Variants in EPB41L4A observed in about 807,000 individuals in gnomAD.
EPB41L4A encodes the protein erythrocyte membrane protein band 4.1 like 4A.
In EPB41L4A, 100 loss-of-function variants were observed where a neutral mutation model predicts 108.6. The ratio of observed to expected loss-of-function variants is 0.92; its 90% CI spans 0.78 to 1.09. EPB41L4A has a LOEUF of 1.09. EPB41L4A is among the 50% of genes least tolerant of loss of function. The pLI, the probability that EPB41L4A is intolerant of heterozygous loss-of-function variation, is 0.00. For synonymous variants in EPB41L4A, 319 were observed against 289.0 expected, an observed-to-expected ratio of 1.10 and a Z score of -1.05; for missense variants, 1,030 against 842.7, an observed-to-expected ratio of 1.22 and a Z score of -2.75.
At chr5:112,358,148 A>G (rs377277280) in intron 1 of EPB41L4A, among the ~76,000 whole-genome samples, 5 of 152,378 alleles carry the variant, frequency 3.3e-5, no homozygotes, top group African/African-American at 1.2e-4. Flanking sequence ...TTCCCCTGGA[A>G]GATCAGACAG....
chr5:112,210,036 A>G, intron 12 of EPB41L4A, 54 bp from the exon 13 acceptor site: 1 of 1,100,576 alleles, frequency 9.1e-7, no homozygotes, highest in Non-Finnish European at 1.3e-6. Context: ...TGATAAGGAA[A>G]TGAAAGAAAC....
intron 1 of EPB41L4A, among the ~76,000 whole-genome samples, chr5:112,373,464 G>A (rs560695912): frequency 1.7e-4 from 26 of 152,240 alleles, no homozygotes; most frequent in African/African-American, 6.3e-4. Context: ...AAATGACAAA[G>A]GTACAGAAAC....
intron 9 of EPB41L4A, among the ~76,000 whole-genome samples, chr5:112,252,024 T>C (rs963816913): frequency 1.3e-5 from 2 of 151,308 alleles, no homozygotes; most frequent in Non-Finnish European, 2.9e-5. Flanking sequence ...CTATGTGATA[T>C]GTGTTACAGA....
chr5:112,212,724 G>C (rs539274330), intron 12 of EPB41L4A, among the ~76,000 whole-genome samples: 16 of 152,264 alleles, frequency 1.1e-4, no homozygotes, highest in Non-Finnish European at 2.1e-4. Context: ...TTCCTAGGCT[G>C]GGAGAGGGGG....
chr5:112,150,379 G>A (rs1473968288), intron 12 of EPB41L4A, among the ~76,000 whole-genome samples: 1 of 151,926 alleles, frequency 6.6e-6, no homozygotes, highest in Non-Finnish European at 1.5e-5. Context: ...TGAATAGTGT[G>A]TTTCATCTAT....
chr5:112,400,251 T>A (rs947335305), intron 1 of EPB41L4A, among the ~76,000 whole-genome samples: 1 of 151,932 alleles, frequency 6.6e-6, no homozygotes, highest in Non-Finnish European at 1.5e-5. Flanking sequence ...TCACTCACTA[T>A]CACGAGAACA....
rs1183923502 is a variant in EPB41L4A at position 112,163,298 on chromosome 5, G to C, written c.*1692C>G. The C allele has an allele frequency of 6.6e-6, 1 of 152,164 alleles. No homozygotes were observed. The highest frequency in any genetic ancestry group is 2.4e-5 in the African/African-American group (1 of 41,416). 9.4% of individuals were successfully genotyped at this position (152,164 alleles called of 1,614,324 possible). A position where few individuals can be genotyped will look rare whatever the true frequency, so the allele number is the denominator to read the frequency against. On this transcript the variant is annotated 3_prime_UTR_variant, in exon 23 of 23. Coordinates refer to ENST00000261486, the MANE Select transcript of EPB41L4A (RefSeq NM_022140.5). ...AGCATAATGACCCTAGATTCAGCTGGGGAGCAGCATTTAAACAGCTGAATT... is the reference window on the plus strand; with the variant it reads ...AGCATAATGACCCTAGATTCAGCTGCGGAGCAGCATTTAAACAGCTGAATT...
At chr5:112,147,133 A>G (rs1405452167) in intron 12 of EPB41L4A, among the ~76,000 whole-genome samples, 2 of 151,366 alleles carry the variant, frequency 1.3e-5, no homozygotes, top group African/African-American at 4.9e-5. Flanking sequence ...GTGGTTTTCT[A>G]CATGTAGTAA....
chr5:112,323,279 G>C (rs879759257), intron 1 of EPB41L4A, among the ~76,000 whole-genome samples: 1 of 152,130 alleles, frequency 6.6e-6, no homozygotes, highest in Non-Finnish European at 1.5e-5. Flanking sequence ...TAATTCTCTA[G>C]ACTGAAAGGG....
chr5:112,348,780 AATTCCCAAACAAGCTATTT>A (rs1310345397), intron 1 of EPB41L4A, among the ~76,000 whole-genome samples: 18 of 152,352 alleles, frequency 1.2e-4, no homozygotes, highest in Admixed American at 4.6e-4. Flanking sequence ...TGTTTCAAGG[AATTCCCAAACAAGCTATTT>A]ATTTATTCCT....
chr5:112,191,041 A>C lies in EPB41L4A; in HGVS notation c.1502+3527T>G, dbSNP rs764238666. 3.9e-5 allele frequency among the ~76,000 whole-genome samples: 6 copies of C among 152,192 alleles called. No homozygotes were observed. The East Asian group carries it at 9.6e-4, about 24-fold the overall frequency. ...GAAATAAGAACTTTCTGTCATCTTA[A>C]ATATTATTAAAAAAAACTGTGCCTC... On this transcript the variant is annotated intron_variant, in intron 17 of 22. Transcript: ENST00000261486.
At position 112,404,721 on chromosome 5, in the gene EPB41L4A, G is replaced by T. The variant is rs76217301; in HGVS notation, c.99+14220C>A. Among the ~76,000 whole-genome samples, 73 of 152,264 alleles carry T rather than the reference G, an allele frequency of 4.8e-4. 1 individual carries two copies. In the East Asian group the frequency reaches 0.014, roughly 29 times the overall value. The stretch of plus-strand genomic sequence containing the variant: ...GATTATTTCTCAAAGCATAACTCTA[G>T]ATTTAAGTTCCGGATGGTTAGAAGC... On this transcript the variant is annotated intron_variant, in intron 1 of 22. Coordinates refer to ENST00000261486, the MANE Select transcript of EPB41L4A (RefSeq NM_022140.5).
At chr5:112,387,321 G>T (rs1760618012) in intron 1 of EPB41L4A, among the ~76,000 whole-genome samples, 1 of 152,212 alleles carries the variant, frequency 6.6e-6, no homozygotes, top group South Asian at 2.1e-4. Context: ...GTAAAGAACT[G>T]CCACTGAAGA....
intron 2 of EPB41L4A, among the ~76,000 whole-genome samples, chr5:112,298,141 T>C (rs1414130138): frequency 6.6e-6 from 1 of 152,188 alleles, no homozygotes; most frequent in Non-Finnish European, 1.5e-5. Flanking sequence ...AACTGTAGGA[T>C]TGTTTTTTCT....
chr5:112,313,858 CTTTT>C (rs1188991050), intron 1 of EPB41L4A, among the ~76,000 whole-genome samples: 3 of 89,478 alleles, frequency 3.4e-5, no homozygotes, highest in East Asian at 3.5e-4. Context: ...AGGTAACTTT[CTTTT>C]TTTTTTTTTT....
chr5:112,315,085 G>A (rs1755346389), intron 1 of EPB41L4A, among the ~76,000 whole-genome samples: 1 of 152,178 alleles, frequency 6.6e-6, no homozygotes, highest in Non-Finnish European at 1.5e-5. Context: ...TCAGGTTTCA[G>A]GAGGTCTCCC....
chr5:112,263,284 T>A (rs891573456), intron 6 of EPB41L4A: 1 of 152,148 alleles, frequency 6.6e-6, no homozygotes, highest in African/African-American at 2.4e-5. Flanking sequence ...GAGATTTTAA[T>A]AGATAACCAA....
intron 18 of EPB41L4A, among the ~76,000 whole-genome samples, chr5:112,172,754 C>A (rs1389354661): frequency 6.6e-6 from 1 of 152,116 alleles, no homozygotes; most frequent in Non-Finnish European, 1.5e-5. Flanking sequence ...TACAGTCAAC[C>A]AAGAGTCTGA....
At chr5:112,275,460 C>T in intron 3 of EPB41L4A, 56 bp from the exon 4 acceptor site, 3 of 1,463,812 alleles carry the variant, frequency 2.0e-6, no homozygotes, top group Non-Finnish European at 2.8e-6. Flanking sequence ...GTCAAAGTTA[C>T]AGTATAATAT....
Sources: allele counts gnomAD v4.1 joint callset (sites outside exome capture counted in the v4.1 genomes callset), GRCh38; gene constraint gnomAD v4.1.1; transcripts MANE v1.5; gene names NCBI Gene and HGNC (gene_info 2026-07-23, HGNC 2026-07-21).